Variants in ALPK1 observed in about 807,000 individuals in gnomAD.
ALPK1 encodes alpha-protein kinase 1.
In ALPK1, 110 loss-of-function variants were observed where a neutral mutation model predicts 120.6. The observed-to-expected ratio is 0.91, with a 90% CI of 0.78 to 1.07. ALPK1 has a LOEUF of 1.07. Ranked by LOEUF, ALPK1 falls within the 50% of genes least tolerant of loss-of-function variation. ALPK1 has a pLI of 0.00. For synonymous variants in ALPK1, 582 were observed against 560.3 expected (o/e 1.04, Z -0.55); for missense variants, 1,498 against 1,483.9 (o/e 1.01, Z -0.16).
At chr4:112,388,460 C>T (rs1238984686) in intron 4 of ALPK1, among the ~76,000 whole-genome samples, 6 of 152,066 alleles carry the variant, frequency 3.9e-5, no homozygotes. Flanking sequence ...TAAAAGATGT[C>T]CTTAAAACTA....
intron 4 of ALPK1, among the ~76,000 whole-genome samples, chr4:112,404,996 C>A (rs2148744489): frequency 6.6e-6 from 1 of 152,264 alleles, no homozygotes; most frequent in South Asian, 2.1e-4. Flanking sequence ...CTGCTTGAGG[C>A]CTAAGAAATG....
chr4:112,347,833 T>C (rs1730165055), intron 2 of ALPK1, among the ~76,000 whole-genome samples: 1 of 147,984 alleles, frequency 6.8e-6, no homozygotes, highest in Non-Finnish European at 1.5e-5. Context: ...TTTTTGCCAG[T>C]AATAGACTGT....
intron 5 of ALPK1, among the ~76,000 whole-genome samples, chr4:112,419,707 A>G (rs1445609133): frequency 6.6e-6 from 1 of 152,204 alleles, no homozygotes; most frequent in Non-Finnish European, 1.5e-5. Context: ...ATGGCTGAAA[A>G]TGGTCCCCTA....
intron 4 of ALPK1, among the ~76,000 whole-genome samples, chr4:112,410,684 A>G (rs1270003502): frequency 1.3e-5 from 2 of 152,230 alleles, no homozygotes; most frequent in African/African-American, 2.4e-5. Context: ...CTAGCTACGT[A>G]ACCACTAAAT....
chr4:112,411,167 G>A (rs1325405183), intron 4 of ALPK1: 1 of 154,926 alleles, frequency 6.5e-6, no homozygotes, highest in Non-Finnish European at 1.5e-5. Flanking sequence ...AGGAGGAGAA[G>A]AAATAAGATA....
intron 2 of ALPK1, among the ~76,000 whole-genome samples, chr4:112,364,061 G>A (rs1004580149): frequency 5.9e-5 from 9 of 152,134 alleles, no homozygotes; most frequent in African/African-American, 1.2e-4. Flanking sequence ...CGGAAAAGGC[G>A]GTGCTAAGAG....
At chr4:112,427,955 G>A (rs1415527805) in intron 9 of ALPK1, 1 of 237,906 alleles carries the variant, frequency 4.2e-6, no homozygotes, top group East Asian at 8.1e-5. Flanking sequence ...TCCTTTCAAA[G>A]TATAACAAAA....
chr4:112,430,545 A>G lies in ALPK1; in HGVS notation c.998A>G (p.Glu333Gly), dbSNP rs1279568328. The G allele has an allele frequency of 3.7e-6, 6 of 1,614,070 alleles. No individual in the cohort carries two copies. Among genetic ancestry groups the G allele is most frequent in the Non-Finnish European group, 5.1e-6 (6 of 1,180,034 alleles). ...LHLCEAKEAF[E>G]IGLLTKRDDE... ...CTGTGTGAAGCCAAAGAGGCCTTTGAGATTGGCCTCCTCACCAAGAGAGAT... is the reference window on the plus strand; with the variant it reads ...CTGTGTGAAGCCAAAGAGGCCTTTGGGATTGGCCTCCTCACCAAGAGAGAT... The change falls in exon 11 of 16, where the codon GAG (glutamate) becomes GGG (glycine). Residue 333 changes from glutamate to glycine, a missense_variant. Coordinates refer to ENST00000650871, the MANE Select transcript of ALPK1 (RefSeq NM_025144.4).
chr4:112,441,004 T>G lies in ALPK1; in HGVS notation c.3626T>G (p.Phe1209Cys). ...SVDQKVFTTNFGKRGIFYFFN... is the reference protein window; with the variant it reads ...SVDQKVFTTNCGKRGIFYFFN... ...GATCAGAAAGTTTTCACTACCAATT[T>G]TGGAAAGAGAGGAATTTTTTACTTC... The change falls in exon 15 of 16, where the codon TTT becomes TGT. Residue 1209 changes from phenylalanine (F) to cysteine (C), a missense_variant. By Grantham distance (205) the Phe-to-Cys change is radical. Transcript: ENST00000650871. 6.2e-7 allele frequency: 1 copy of G among 1,614,048 alleles called. No homozygotes were observed. The highest frequency in any genetic ancestry group is 8.5e-7 in the Non-Finnish European group (1 of 1,179,924).
intron 2 of ALPK1, chr4:112,356,845 C>G: frequency 1.4e-6 from 1 of 732,382 alleles, no homozygotes; most frequent in South Asian, 1.3e-5. Context: ...GAGCACACAA[C>G]ATTGACCTTA....
At chr4:112,408,225 A>C (rs563000062) in intron 4 of ALPK1, among the ~76,000 whole-genome samples, 1 of 152,336 alleles carries the variant, frequency 6.6e-6, no homozygotes, top group East Asian at 1.9e-4. Context: ...CATAGCCATA[A>C]GCAGGGTGGC....
chr4:112,349,151 T>G (rs1159680030), intron 2 of ALPK1, among the ~76,000 whole-genome samples: 4 of 152,210 alleles, frequency 2.6e-5, no homozygotes, highest in African/African-American at 9.7e-5. Context: ...TTGAACAGAA[T>G]TTCTATTCAT....
chr4:112,304,572 C>A (rs1297269870), intron 1 of ALPK1, among the ~76,000 whole-genome samples: 1 of 152,042 alleles, frequency 6.6e-6, no homozygotes, highest in Admixed American at 6.5e-5. Context: ...CTGTTCATAT[C>A]CTTCACCCAC....
chr4:112,309,058 C>G (rs1235038429), intron 1 of ALPK1, among the ~76,000 whole-genome samples: 1 of 152,134 alleles, frequency 6.6e-6, no homozygotes, highest in Non-Finnish European at 1.5e-5. Context: ...GGCTGCAGAA[C>G]AGCAAATATT....
At chr4:112,359,716 A>C (rs1231408199) in intron 2 of ALPK1, 1 of 260,878 alleles carries the variant, frequency 3.8e-6, no homozygotes, top group Middle Eastern at 8.9e-4. Context: ...GGACTTTCCC[A>C]CGGGCATGCA....
At chr4:112,385,866 T>TTA (rs1199373213) in intron 4 of ALPK1, among the ~76,000 whole-genome samples, 1 of 152,350 alleles carries the variant, frequency 6.6e-6, no homozygotes, top group Admixed American at 6.5e-5. Flanking sequence ...TTCTCTCTTT[T>TTA]TATAGTTTAT....
intron 7 of ALPK1, 80 bp from the exon 8 acceptor site, chr4:112,426,387 C>CAA: frequency 9.0e-7 from 1 of 1,110,254 alleles, no homozygotes; most frequent in Non-Finnish European, 1.3e-6. Context: ...TATTTGTTTT[C>CAA]AAAGGTTTTC....
chr4:112,427,692 C>A (rs1403464781), intron 9 of ALPK1, 27 bp downstream of exon 9: 1 of 1,525,366 alleles, frequency 6.6e-7, no homozygotes, highest in South Asian at 1.1e-5. Flanking sequence ...TGAGTGGCAT[C>A]ACCTGTAAAA....
intron 9 of ALPK1, 68 bp from the exon 10 acceptor site, chr4:112,429,081 C>G: frequency 7.2e-7 from 1 of 1,381,400 alleles, no homozygotes; most frequent in East Asian, 2.3e-5. Flanking sequence ...AAAACCATTT[C>G]ATAGCCTGTT....
Sources: gnomAD v4.1 joint callset for allele counts (sites outside exome capture counted in the v4.1 genomes callset) on GRCh38, gnomAD v4.1.1 for gene constraint, MANE v1.5 for transcripts, NCBI Gene and HGNC (gene_info 2026-07-23, HGNC 2026-07-21) for gene names.